The following C6 variants were observed in gnomAD, a reference collection of about 807,000 sequenced individuals.
The protein encoded by C6 is complement component C6.
In C6, 101 loss-of-function variants were observed where a neutral mutation model predicts 112.9. The observed-to-expected ratio is 0.89, with a 90% CI of 0.76 to 1.06. The LOEUF (loss-of-function observed/expected upper bound fraction) is 1.06, where lower values mean the gene tolerates loss of function less well. Ranked by LOEUF, C6 falls within the 50% of genes least tolerant of loss-of-function variation. The pLI is 0.00. For missense variants in C6, 1,202 were observed against 1,104.6 expected (o/e 1.09, Z -1.25); for synonymous variants, 431 against 384.1 (o/e 1.12, Z -1.43).
chr5:41,256,443 T>TAA (rs5867547), intron 1 of C6, among the ~76,000 whole-genome samples: 8,177 of 122,838 alleles, frequency 0.067, 353 homozygotes, highest in Middle Eastern at 0.096. Flanking sequence ...AAAAAAAAAG[T>TAA]AAAAAAAAAA....
At chr5:41,169,079 G>T (rs750163865) in intron 9 of C6, among the ~76,000 whole-genome samples, 201 of 152,234 alleles carry the variant, frequency 1.3e-3, no homozygotes, top group Non-Finnish European at 2.4e-3. Flanking sequence ...AAGATTCAAA[G>T]GATATGGATC....
intron 1 of C6, among the ~76,000 whole-genome samples, chr5:41,241,203 C>T (rs943561899): frequency 6.6e-6 from 1 of 152,138 alleles, no homozygotes; most frequent in Non-Finnish European, 1.5e-5. Flanking sequence ...AACCTTGCTG[C>T]TGGAGGCGGG....
chr5:41,210,973 A>G (rs1024147102), intron 1 of C6, among the ~76,000 whole-genome samples: 1 of 152,236 alleles, frequency 6.6e-6, no homozygotes, highest in Non-Finnish European at 1.5e-5. Context: ...AATAGCAAAA[A>G]CTTGGAACCA....
chr5:41,196,473 G>A (rs1172588011), intron 4 of C6, among the ~76,000 whole-genome samples: 2 of 151,934 alleles, frequency 1.3e-5, no homozygotes, highest in South Asian at 2.1e-4. Flanking sequence ...GAAAGGAGAA[G>A]GAGGGAGCTT....
At chr5:41,210,198 C>A (rs1188036687) in intron 1 of C6, among the ~76,000 whole-genome samples, 2 of 152,122 alleles carry the variant, frequency 1.3e-5, no homozygotes, top group African/African-American at 4.8e-5. Context: ...CTTCCTTGCA[C>A]CTTATACAAA....
chr5:41,194,564 A>G (rs1392028770), intron 5 of C6, among the ~76,000 whole-genome samples: 1 of 152,170 alleles, frequency 6.6e-6, no homozygotes, highest in Non-Finnish European at 1.5e-5. Context: ...GAGTTTTCAT[A>G]TTATGCAACT....
chr5:41,231,467 C>A (rs1739894122), intron 1 of C6, among the ~76,000 whole-genome samples: 1 of 152,138 alleles, frequency 6.6e-6, no homozygotes, highest in South Asian at 2.1e-4. Flanking sequence ...TAACTGATGA[C>A]AGCTTAACTT....
At chr5:41,196,040 A>C in intron 4 of C6, 107 bp from the exon 5 acceptor site, 1 of 1,291,154 alleles carries the variant, frequency 7.7e-7, no homozygotes. Flanking sequence ...GTTGAAGGCA[A>C]GTCTTCACTG....
intron 5 of C6, among the ~76,000 whole-genome samples, chr5:41,191,717 A>G (rs1166536221): frequency 6.6e-6 from 1 of 150,834 alleles, no homozygotes; most frequent in Non-Finnish European, 1.5e-5. Flanking sequence ...GTGATAATAT[A>G]TAGAAATGCT....
chr5:41,229,936 G>T (rs1739781453), intron 1 of C6, among the ~76,000 whole-genome samples: 1 of 152,082 alleles, frequency 6.6e-6, no homozygotes, highest in African/African-American at 2.4e-5. Context: ...AATTGTGAAG[G>T]TTTCATGGAC....
intron 1 of C6, among the ~76,000 whole-genome samples, chr5:41,222,452 G>A (rs1162332042): frequency 2.0e-5 from 3 of 151,784 alleles, no homozygotes; most frequent in Non-Finnish European, 4.4e-5. Context: ...AATGTATAAA[G>A]CACAGATGTA....
At chr5:41,175,800 A>G (rs1748791170) in intron 8 of C6, among the ~76,000 whole-genome samples, 1 of 152,212 alleles carries the variant, frequency 6.6e-6, no homozygotes, top group South Asian at 2.1e-4. Context: ...GCAGTAGCAG[A>G]AGACATCAAA....
intron 8 of C6, among the ~76,000 whole-genome samples, chr5:41,174,915 A>G (rs1412377325): frequency 6.6e-6 from 1 of 152,178 alleles, no homozygotes; most frequent in African/African-American, 2.4e-5. Context: ...TGAACTGGAG[A>G]ATTTCATTTT....
intron 1 of C6, among the ~76,000 whole-genome samples, chr5:41,254,365 C>A (rs1741551248): frequency 6.6e-6 from 1 of 152,240 alleles, no homozygotes; most frequent in South Asian, 2.1e-4. Context: ...GAGACTGCAC[C>A]ACTGTACTCC....
At chr5:41,248,300 A>G (rs1580255431) in intron 1 of C6, among the ~76,000 whole-genome samples, 1 of 152,248 alleles carries the variant, frequency 6.6e-6, no homozygotes, top group South Asian at 2.1e-4. Context: ...AAGCAATTGC[A>G]ACAGAAACAA....
At chr5:41,218,881 C>A (rs1227744641) in intron 1 of C6, among the ~76,000 whole-genome samples, 1 of 152,208 alleles carries the variant, frequency 6.6e-6, no homozygotes, top group Non-Finnish European at 1.5e-5. Context: ...AATATAAATA[C>A]TGTCCCTGTG....
chr5:41,252,855 G>A (rs112272379), intron 1 of C6, among the ~76,000 whole-genome samples: 1,531 of 152,210 alleles, frequency 0.01, 33 homozygotes, highest in African/African-American at 0.035. Context: ...TGACTCCACC[G>A]TTGGCATGTG....
intron 1 of C6, among the ~76,000 whole-genome samples, chr5:41,234,053 T>A (rs978189149): frequency 2.6e-5 from 4 of 152,124 alleles, no homozygotes; most frequent in African/African-American, 9.7e-5. Context: ...TGAACTTTGC[T>A]TAACCATAGT....
chr5:41,204,729 G>A (rs1024992967), intron 1 of C6, among the ~76,000 whole-genome samples: 3 of 146,584 alleles, frequency 2.0e-5, no homozygotes, highest in Non-Finnish European at 4.5e-5. Context: ...GAGTGCAGTG[G>A]TGTGATCTCG....
Sources: allele counts gnomAD v4.1 joint callset (sites outside exome capture counted in the v4.1 genomes callset), GRCh38; gene constraint gnomAD v4.1.1; transcripts MANE v1.5; gene names NCBI Gene and HGNC (gene_info 2026-07-23, HGNC 2026-07-21).